The following RIT2 variants were observed in gnomAD, a reference collection of about 807,000 sequenced individuals.
RIT2 encodes GTP-binding protein Rit2.
Under a neutral mutation model 23.7 loss-of-function variants are expected in RIT2, and 24 were observed. The ratio of observed to expected loss-of-function variants is 1.01; its 90% CI spans 0.73 to 1.43. The LOEUF (loss-of-function observed/expected upper bound fraction) is 1.43. Ranked by LOEUF, RIT2 falls within the 40% of genes most tolerant of loss-of-function variation. The pLI, the probability that RIT2 is intolerant of heterozygous loss-of-function variation, is 0.00. For missense variants in RIT2, 236 were observed against 266.9 expected (o/e 0.88, Z 0.81); for synonymous variants, 107 against 91.1 (o/e 1.17, Z -0.99).
At chr18:42,958,501 A>G (rs1349047516) in intron 3 of RIT2, among the ~76,000 whole-genome samples, 1 of 152,158 alleles carries the variant, frequency 6.6e-6, no homozygotes. Context: ...CTAATGGGAC[A>G]TAAACTAGGG....
At chr18:43,017,838 T>G (rs1361276624) in intron 2 of RIT2, among the ~76,000 whole-genome samples, 2 of 152,060 alleles carry the variant, frequency 1.3e-5, no homozygotes, top group African/African-American at 2.4e-5. Context: ...TAAAGCCAGA[T>G]GCATCAAACA....
intron 4 of RIT2, among the ~76,000 whole-genome samples, chr18:42,922,042 A>G (rs1211825123): frequency 6.6e-6 from 1 of 152,190 alleles, no homozygotes; most frequent in African/African-American, 2.4e-5. Context: ...AAAGTAAGAC[A>G]GCAGAACAGT....
intron 2 of RIT2, among the ~76,000 whole-genome samples, chr18:43,001,647 T>A (rs1911110823): frequency 6.6e-6 from 1 of 151,834 alleles, no homozygotes; most frequent in African/African-American, 2.4e-5. Flanking sequence ...GAATGAGAAA[T>A]AGTGCTTGTC....
chr18:43,054,299 G>A (rs775997092), intron 1 of RIT2, among the ~76,000 whole-genome samples: 8 of 152,056 alleles, frequency 5.3e-5, no homozygotes, highest in Non-Finnish European at 1.2e-4. Flanking sequence ...TTAAGATGAG[G>A]TTAAAAGGTG....
rs1039359234 is a variant in RIT2, at chr18:43,030,298, T to G, written c.160+3513A>C. Among the ~76,000 whole-genome samples, 3 of 152,034 alleles carry G rather than the reference T, an allele frequency of 2.0e-5. No individual in the cohort carries two copies. The South Asian group carries it at 6.2e-4, about 31-fold the overall frequency. On this transcript the variant is annotated intron_variant, in intron 2 of 4. Coordinates refer to ENST00000326695, the MANE Select transcript of RIT2 (RefSeq NM_002930.4). Reference sequence around the variant, plus strand: ...TAAATTTAAGTTTAAGAGAAAACTATGAGTGAATGAAGCAAAGATGTAGGT... The same window carrying G: ...TAAATTTAAGTTTAAGAGAAAACTAGGAGTGAATGAAGCAAAGATGTAGGT...
intron 4 of RIT2, among the ~76,000 whole-genome samples, chr18:42,922,514 A>G (rs1285961131): frequency 2.6e-5 from 4 of 152,190 alleles, no homozygotes; most frequent in Non-Finnish European, 5.9e-5. Flanking sequence ...TTTGATTTGC[A>G]TGACACTTCT....
chr18:42,944,832 C>T (rs542889171), intron 3 of RIT2, among the ~76,000 whole-genome samples: 194 of 152,106 alleles, frequency 1.3e-3, no homozygotes, highest in Non-Finnish European at 2.2e-3. Flanking sequence ...TACTTAAGTT[C>T]CATTTTCCAG....
chr18:42,989,753 G>A (rs1568048400), intron 2 of RIT2, among the ~76,000 whole-genome samples: 1 of 152,154 alleles, frequency 6.6e-6, no homozygotes, highest in Non-Finnish European at 1.5e-5. Flanking sequence ...TGTAGCCATA[G>A]AATATTCTTT....
chr18:42,828,591 A>T (rs1906370298), intron 4 of RIT2, among the ~76,000 whole-genome samples: 1 of 152,246 alleles, frequency 6.6e-6, no homozygotes, highest in Non-Finnish European at 1.5e-5. Context: ...AGAATCAGTC[A>T]GGTTAGGCAA....
intron 1 of RIT2, among the ~76,000 whole-genome samples, chr18:43,084,065 G>C (rs1313973435): frequency 6.6e-6 from 1 of 152,048 alleles, no homozygotes; most frequent in African/African-American, 2.4e-5. Context: ...CCATCAAAAA[G>C]TGGGCAAAGA....
At chr18:42,943,010 T>C (rs1398777285) in intron 3 of RIT2, among the ~76,000 whole-genome samples, 1 of 152,048 alleles carries the variant, frequency 6.6e-6, no homozygotes, top group African/African-American at 2.4e-5. Flanking sequence ...TGGTGAGTGT[T>C]ACACCTCTTA....
chr18:43,082,869 A>G (rs1214706246), intron 1 of RIT2, among the ~76,000 whole-genome samples: 1 of 152,184 alleles, frequency 6.6e-6, no homozygotes, highest in Non-Finnish European at 1.5e-5. Context: ...ATAGTATTGG[A>G]AGTTCTGGCC....
At chr18:43,092,393 T>C (rs867199942) in intron 1 of RIT2, among the ~76,000 whole-genome samples, 1 of 152,158 alleles carries the variant, frequency 6.6e-6, no homozygotes, top group Non-Finnish European at 1.5e-5. Context: ...GAGGTTTGAA[T>C]ATCTTAAGAC....
chr18:42,844,886 A>G (rs1046461696), intron 4 of RIT2, among the ~76,000 whole-genome samples: 1 of 152,140 alleles, frequency 6.6e-6, no homozygotes, highest in Non-Finnish European at 1.5e-5. Context: ...AAAAGTAGTG[A>G]CAGATACATA....
chr18:42,880,657 T>C (rs1023901700), intron 4 of RIT2, among the ~76,000 whole-genome samples: 1 of 152,180 alleles, frequency 6.6e-6, no homozygotes, highest in African/African-American at 2.4e-5. Flanking sequence ...ATCCCTTCTC[T>C]ATAACTTCAT....
At chr18:43,093,332 TG>T (rs1913469462) in intron 1 of RIT2, among the ~76,000 whole-genome samples, 1 of 152,082 alleles carries the variant, frequency 6.6e-6, no homozygotes, top group Non-Finnish European at 1.5e-5. Flanking sequence ...CTACTATCAA[TG>T]GCAAAGCCTA....
chr18:42,756,663 A>G (rs2143892397), intron 4 of RIT2, among the ~76,000 whole-genome samples: 1 of 152,302 alleles, frequency 6.6e-6, no homozygotes, highest in East Asian at 1.9e-4. Context: ...ACGTGTAAAT[A>G]TACATACATG....
In RIT2 at chr18:43,005,490, A is replaced by T. The variant is rs911772175; in HGVS notation, c.160+28321T>A. On this transcript the variant is annotated intron_variant, in intron 2 of 4. Coordinates refer to ENST00000326695, the MANE Select transcript of RIT2 (RefSeq NM_002930.4). Reference sequence around the variant, plus strand: ...CACTATTAACAACAAATGCACATCTATTTTCCATTAGGAGAACTCACTTAA... The same window carrying T: ...CACTATTAACAACAAATGCACATCTTTTTTCCATTAGGAGAACTCACTTAA... 3.3e-5 allele frequency among the ~76,000 whole-genome samples: 5 copies of T among 151,882 alleles called. No homozygotes were observed. The South Asian group carries it at 6.2e-4, about 19-fold the overall frequency.
At chr18:42,754,114 C>G (rs569302370) in intron 4 of RIT2, among the ~76,000 whole-genome samples, 1 of 152,280 alleles carries the variant, frequency 6.6e-6, no homozygotes, top group South Asian at 2.1e-4. Context: ...AGTCTGCAAA[C>G]TAAGCAAAAA....
Sources: gnomAD v4.1 joint callset for allele counts (sites outside exome capture counted in the v4.1 genomes callset) on GRCh38, gnomAD v4.1.1 for gene constraint, MANE v1.5 for transcripts, NCBI Gene and HGNC (gene_info 2026-07-23, HGNC 2026-07-21) for gene names.